PDE1A: variants seen among roughly 807,000 people sequenced by gnomAD.
The protein encoded by PDE1A is dual specificity calcium/calmodulin-dependent 3',5'-cyclic nucleotide phosphodiesterase 1A.
A neutral mutation model predicts 61.7 loss-of-function variants in PDE1A; 35 were observed. The observed-to-expected ratio is 0.57, with a 90% CI of 0.43 to 0.75. PDE1A has a LOEUF of 0.75. Ranked by LOEUF, PDE1A falls within the 30% of genes least tolerant of loss-of-function variation. The probability of loss-of-function intolerance (pLI) is 0.00; values close to 1 mark genes in which losing one functional copy is unlikely to be tolerated. For synonymous variants in PDE1A, 232 were observed against 213.2 expected, an observed-to-expected ratio of 1.09 and a Z score of -0.77; for missense variants, 597 against 630.6, an observed-to-expected ratio of 0.95 and a Z score of 0.57.
At chr2:182,403,633 C>T (rs1273017865) in intron 1 of PDE1A, among the ~76,000 whole-genome samples, 2 of 145,050 alleles carry the variant, frequency 1.4e-5, no homozygotes, top group East Asian at 2.0e-4. Context: ...GGCACATATA[C>T]ACCATGGAAT....
chr2:182,335,112 A>T (rs1389071722), intron 1 of PDE1A, among the ~76,000 whole-genome samples: 3 of 152,138 alleles, frequency 2.0e-5, no homozygotes, highest in Admixed American at 2.0e-4. Flanking sequence ...CAAGAAAATA[A>T]GAGAGGACAC....
At chr2:182,690,184 G>A in the PDE1A span, among the ~76,000 whole-genome samples, 1 of 152,132 alleles carries the variant, frequency 6.6e-6, no homozygotes, top group Non-Finnish European at 1.5e-5. Context: ...ATTTTATGAG[G>A]CCAGCATCAT....
At chr2:182,462,222 T>A (rs1234572867) in intron 2 of PDE1A, among the ~76,000 whole-genome samples, 1 of 151,594 alleles carries the variant, frequency 6.6e-6, no homozygotes, top group South Asian at 2.1e-4. Context: ...AGTTAATGGG[T>A]GCAGCACACC....
At chr2:182,355,855 T>C (rs1699148159) in intron 1 of PDE1A, among the ~76,000 whole-genome samples, 1 of 152,194 alleles carries the variant, frequency 6.6e-6, no homozygotes, top group Admixed American at 6.6e-5. Flanking sequence ...TGATTTAAAA[T>C]GACTCTCTCC....
downstream of PDE1A, chr2:182,142,048 T>G (rs944789273): frequency 6.6e-6 from 1 of 151,722 alleles, no homozygotes; most frequent in Non-Finnish European, 1.5e-5. Context: ...TTCTGTGTAG[T>G]AAAATATAAA....
At chr2:182,702,508 T>C in the PDE1A span, among the ~76,000 whole-genome samples, 4 of 152,198 alleles carry the variant, frequency 2.6e-5, no homozygotes, top group Admixed American at 6.5e-5. Flanking sequence ...GTGGGCATTC[T>C]AGTGAGGGAG....
chr2:182,289,128 C>A (rs1694358928), intron 1 of PDE1A, among the ~76,000 whole-genome samples: 1 of 152,052 alleles, frequency 6.6e-6, no homozygotes, highest in African/African-American at 2.4e-5. Flanking sequence ...TCCCCACCCA[C>A]TCCCATTACA....
intron 2 of PDE1A, among the ~76,000 whole-genome samples, chr2:182,436,716 C>CACACCCAAA (rs1316557962): frequency 2.6e-5 from 4 of 151,958 alleles, no homozygotes; most frequent in African/African-American, 9.7e-5. Context: ...TTCTACATAA[C>CACACCCAAA]ACACCCAAAA....
chr2:182,472,764 C>T (rs892937815), intron 2 of PDE1A, among the ~76,000 whole-genome samples: 12 of 110,572 alleles, frequency 1.1e-4, no homozygotes, highest in African/African-American at 2.9e-4. Context: ...ATTAAATTCA[C>T]AGACCTTCTA....
the PDE1A span, among the ~76,000 whole-genome samples, chr2:182,625,561 T>C: frequency 1.3e-5 from 2 of 152,218 alleles, no homozygotes; most frequent in Admixed American, 6.5e-5. Context: ...TACCAATTTA[T>C]GCTAGGTTAG....
At chr2:182,365,364 G>C (rs1699778546) in intron 1 of PDE1A, among the ~76,000 whole-genome samples, 1 of 152,040 alleles carries the variant, frequency 6.6e-6, no homozygotes, top group Middle Eastern at 3.4e-3. Flanking sequence ...CTGTTTTCAT[G>C]AAATTAAACA....
intron 1 of PDE1A, among the ~76,000 whole-genome samples, chr2:182,340,647 T>C (rs1006219422): frequency 4.6e-5 from 7 of 152,236 alleles, no homozygotes; most frequent in Non-Finnish European, 1.0e-4. Context: ...CTATGTTATA[T>C]ATAAATTAAA....
At chr2:182,212,213 GAGA>G (rs1553538224) in intron 7 of PDE1A, among the ~76,000 whole-genome samples, 1 of 149,768 alleles carries the variant, frequency 6.7e-6, no homozygotes, top group Non-Finnish European at 1.5e-5. Context: ...TATTACGTAC[GAGA>G]TAATGTCTTG....
At chr2:182,458,863 G>A (rs979900731) in intron 2 of PDE1A, among the ~76,000 whole-genome samples, 1 of 152,004 alleles carries the variant, frequency 6.6e-6, no homozygotes, top group Non-Finnish European at 1.5e-5. Context: ...TAAGTGCCCT[G>A]ATAATTACAC....
chr2:182,300,058 T>A (rs1478248690), intron 1 of PDE1A, among the ~76,000 whole-genome samples: 2 of 152,176 alleles, frequency 1.3e-5, no homozygotes, highest in African/African-American at 2.4e-5. Context: ...GGACATGCTG[T>A]CCTATATGCC....
At chr2:182,711,939 T>G in the PDE1A span, among the ~76,000 whole-genome samples, 5 of 152,208 alleles carry the variant, frequency 3.3e-5, no homozygotes, top group African/African-American at 1.2e-4. Flanking sequence ...AATAAAGGAC[T>G]TATTACAAAA....
At chr2:182,325,760 T>C (rs760329992) in intron 1 of PDE1A, among the ~76,000 whole-genome samples, 14 of 151,944 alleles carry the variant, frequency 9.2e-5, no homozygotes, top group Non-Finnish European at 1.8e-4. Context: ...TCTACTAAAA[T>C]ACAAAAAAAT....
At chr2:182,364,238 G>C (rs543721933) in intron 1 of PDE1A, among the ~76,000 whole-genome samples, 54 of 151,834 alleles carry the variant, frequency 3.6e-4, no homozygotes, top group African/African-American at 1.3e-3. Flanking sequence ...CCAAGAGCCA[G>C]GCAGGGCATA....
At chr2:182,562,315 T>G in the PDE1A span, among the ~76,000 whole-genome samples, 2 of 150,446 alleles carry the variant, frequency 1.3e-5, no homozygotes, top group Non-Finnish European at 3.0e-5. Context: ...GAGATAATCA[T>G]GTGGTTTTTG....
Sources: allele counts gnomAD v4.1 joint callset (sites outside exome capture counted in the v4.1 genomes callset), GRCh38; gene constraint gnomAD v4.1.1; transcripts MANE v1.5; gene names NCBI Gene and HGNC (gene_info 2026-07-23, HGNC 2026-07-21).